Variants in ELMO1 observed in about 807,000 individuals in gnomAD.
ELMO1 encodes engulfment and cell motility 1, also known as engulfment and cell motility protein 1.
In ELMO1, 26 loss-of-function variants were observed where a neutral mutation model predicts 98.9. The observed-to-expected ratio is 0.26, with a 90% CI of 0.19 to 0.36. The LOEUF (loss-of-function observed/expected upper bound fraction) is 0.36, where lower values mean the gene tolerates loss of function less well. ELMO1 is among the 10% of genes least tolerant of loss of function. The pLI is 1.00. For missense variants in ELMO1, 627 were observed against 935.2 expected, an observed-to-expected ratio of 0.67 and a Z score of 4.30; for synonymous variants, 346 against 346.0, an observed-to-expected ratio of 1.00 and a Z score of 0.00.
intron 1 of ELMO1, among the ~76,000 whole-genome samples, chr7:37,417,860 C>T (rs895165258): frequency 3.3e-5 from 5 of 152,056 alleles, no homozygotes; most frequent in African/African-American, 9.7e-5. Flanking sequence ...AAGAGGAAAA[C>T]GTCATGCAAA....
intron 4 of ELMO1, among the ~76,000 whole-genome samples, chr7:37,296,743 G>T (rs1583486093): frequency 6.6e-6 from 1 of 152,088 alleles, no homozygotes; most frequent in African/African-American, 2.4e-5. Flanking sequence ...GAAATCTCAG[G>T]AATCTTTCCA....
chr7:37,282,453 G>C (rs73690184), intron 4 of ELMO1, among the ~76,000 whole-genome samples: 6,320 of 152,294 alleles, frequency 0.041, 426 homozygotes, highest in African/African-American at 0.14. Flanking sequence ...GTCCAACTGT[G>C]TGTCCATTTT....
At chr7:36,974,308 C>G (rs1441308170) in intron 16 of ELMO1, among the ~76,000 whole-genome samples, 1 of 152,222 alleles carries the variant, frequency 6.6e-6, no homozygotes, top group Non-Finnish European at 1.5e-5. Flanking sequence ...CACCAATCGA[C>G]ACTCTGTATC....
chr7:37,189,980 ATC>A (rs956558503), intron 13 of ELMO1, among the ~76,000 whole-genome samples: 5 of 150,940 alleles, frequency 3.3e-5, no homozygotes, highest in African/African-American at 1.2e-4. Flanking sequence ...TGGACTATGA[ATC>A]TCTCTACAAA....
intron 15 of ELMO1, among the ~76,000 whole-genome samples, chr7:37,058,621 T>C (rs1173878915): frequency 3.3e-5 from 5 of 152,008 alleles, no homozygotes; most frequent in Non-Finnish European, 5.9e-5. Flanking sequence ...CTTTTGAAGG[T>C]TCTATGAGGG....
chr7:37,397,563 C>T (rs1040142759), intron 1 of ELMO1, among the ~76,000 whole-genome samples: 7 of 152,210 alleles, frequency 4.6e-5, no homozygotes, highest in African/African-American at 1.7e-4. Flanking sequence ...CCTCTGTGCA[C>T]CTCAGTTTCC....
chr7:37,100,064 A>AC lies in ELMO1; in HGVS notation c.1192-3338dup, dbSNP rs199862441. 5.7e-3 allele frequency among the ~76,000 whole-genome samples: 870 copies of AC among 152,174 alleles called. 1 individual carries two copies. The highest frequency in any genetic ancestry group is 5.8e-3 in the East Asian group (30 of 5,176). On this transcript the variant is annotated intron_variant, in intron 14 of 21. Transcript: ENST00000310758. The stretch of plus-strand genomic sequence containing the variant: ...GGCCGAGCTGGGTCTCGAACTCCAG[A>AC]CCTCAGGTGATCCCTCTCCAATGAC...
At chr7:37,179,559 G>C (rs907955888) in intron 13 of ELMO1, among the ~76,000 whole-genome samples, 1 of 152,092 alleles carries the variant, frequency 6.6e-6, no homozygotes, top group Non-Finnish European at 1.5e-5. Context: ...TTACAGGCGT[G>C]AGCCACCGAG....
chr7:37,419,917 C>T (rs1189378143), intron 1 of ELMO1: 1 of 152,192 alleles, frequency 6.6e-6, no homozygotes, highest in South Asian at 2.1e-4. Flanking sequence ...TATTTCACAT[C>T]ATGCTGTTTT....
chr7:37,412,700 AT>A (rs1804044354), intron 1 of ELMO1, among the ~76,000 whole-genome samples: 1 of 152,192 alleles, frequency 6.6e-6, no homozygotes, highest in Admixed American at 6.5e-5. Flanking sequence ...CCTCTCTAAC[AT>A]GCAGAGTGTG....
intron 20 of ELMO1, among the ~76,000 whole-genome samples, chr7:36,866,021 A>T (rs1803007888): frequency 6.6e-6 from 1 of 152,246 alleles, no homozygotes; most frequent in African/African-American, 2.4e-5. Flanking sequence ...CAAATGCTTA[A>T]TTCTGGCAAA....
At chr7:37,166,006 C>G (rs1007463285) in intron 13 of ELMO1, among the ~76,000 whole-genome samples, 2 of 151,188 alleles carry the variant, frequency 1.3e-5, no homozygotes, top group Non-Finnish European at 1.5e-5. Context: ...ATTATTGCCA[C>G]AATTTCAGCT....
At chr7:37,057,962 G>A (rs78819870) in intron 15 of ELMO1, among the ~76,000 whole-genome samples, 4,690 of 152,256 alleles carry the variant, frequency 0.031, 118 homozygotes, top group African/African-American at 0.066. Context: ...AGAGCAAGAT[G>A]TTATTAACCC....
intron 16 of ELMO1, among the ~76,000 whole-genome samples, chr7:36,973,853 T>C (rs956362693): frequency 2.0e-5 from 3 of 152,240 alleles, no homozygotes; most frequent in Middle Eastern, 3.2e-3. Context: ...GGCCCTGCCG[T>C]TGCCGAGCAA....
intron 13 of ELMO1, among the ~76,000 whole-genome samples, chr7:37,161,914 A>ATATATATATATATATATATATATATG: frequency 1.2e-5 from 1 of 83,936 alleles, no homozygotes; most frequent in Non-Finnish European, 2.6e-5. Context: ...AAATATATAT[A>ATATATATATATATATATATATATATG]TATATATATA....
rs1243411642 is a variant in ELMO1 at position 37,222,669 on chromosome 7, A to G, written c.726T>C (p.Tyr242=). The G allele has an allele frequency of 1.2e-6, 2 of 1,614,030 alleles. No individual in the cohort carries two copies. The highest frequency in any genetic ancestry group is 1.1e-5 in the South Asian group (1 of 91,054). ...AAAGCGCATTAATCACTGCAATAGT[A>G]TAGGTTTGGATTTCTTGATCTGACC... ...LQGSDQEIQT[Y]TIAVINALFL... The change falls in exon 10 of 22, where the codon TAT becomes TAC. Residue 242 remains tyrosine (Y), a synonymous_variant. Coordinates refer to ENST00000310758, the MANE Select transcript of ELMO1 (RefSeq NM_014800.11).
intron 13 of ELMO1, among the ~76,000 whole-genome samples, chr7:37,163,352 T>TTA (rs1563047201): frequency 6.6e-6 from 1 of 152,064 alleles, no homozygotes; most frequent in Non-Finnish European, 1.5e-5. Flanking sequence ...TTTTTTTTTT[T>TTA]ATTATTATAC....
intron 4 of ELMO1, among the ~76,000 whole-genome samples, chr7:37,273,378 G>A (rs909409526): frequency 1.3e-5 from 2 of 152,066 alleles, no homozygotes; most frequent in Admixed American, 6.5e-5. Flanking sequence ...GTTTTATAAG[G>A]GGCTCTTTCC....
At chr7:37,040,869 G>C (rs1196159655) in intron 15 of ELMO1, among the ~76,000 whole-genome samples, 1 of 152,046 alleles carries the variant, frequency 6.6e-6, no homozygotes, top group Non-Finnish European at 1.5e-5. Context: ...CTGAGGTCAG[G>C]AGTTTAGACC....
Sources: allele counts gnomAD v4.1 joint callset (sites outside exome capture counted in the v4.1 genomes callset), GRCh38; gene constraint gnomAD v4.1.1; transcripts MANE v1.5; gene names NCBI Gene and HGNC (gene_info 2026-07-23, HGNC 2026-07-21).